The following PRKN variants were observed in gnomAD, a reference collection of about 807,000 sequenced individuals.
PRKN encodes the protein E3 ubiquitin-protein ligase parkin.
Under a neutral mutation model 59.5 loss-of-function variants are expected in PRKN, and 56 were observed. The ratio of observed to expected loss-of-function variants is 0.94; its 90% CI spans 0.76 to 1.18. PRKN has a LOEUF of 1.18. PRKN is among the 50% of genes most tolerant of loss of function. The pLI is 0.00. For missense variants in PRKN, 657 were observed against 596.4 expected (o/e 1.10, Z -1.06); for synonymous variants, 250 against 222.1 (o/e 1.13, Z -1.12).
chr6:162,465,412 T>C (rs1791369420), intron 1 of PRKN, among the ~76,000 whole-genome samples: 1 of 152,184 alleles, frequency 6.6e-6, no homozygotes, highest in African/African-American at 2.4e-5. Flanking sequence ...CAACACTTAA[T>C]AGAGAGAACA....
intron 7 of PRKN, among the ~76,000 whole-genome samples, chr6:161,605,015 T>G (rs953026292): frequency 6.6e-6 from 1 of 152,240 alleles, no homozygotes; most frequent in Non-Finnish European, 1.5e-5. Context: ...GATTAGCTTT[T>G]TTCTCTTTGA....
intron 5 of PRKN, among the ~76,000 whole-genome samples, chr6:162,024,495 C>A (rs1219771456): frequency 6.6e-6 from 1 of 152,106 alleles, no homozygotes; most frequent in Non-Finnish European, 1.5e-5. Flanking sequence ...CAGCGCCCAG[C>A]CCACTTATTT....
chr6:161,968,920 A>G (rs1780690054), intron 6 of PRKN, among the ~76,000 whole-genome samples: 1 of 152,244 alleles, frequency 6.6e-6, no homozygotes, highest in Non-Finnish European at 1.5e-5. Context: ...GACTTTTTGT[A>G]TAGCTTTCAT....
rs552646200 is a variant in PRKN, at chr6:161,400,918, C to T, written c.1084-14041G>A. Among the ~76,000 whole-genome samples the T allele has an allele frequency of 4.8e-4, 73 of 152,296 alleles. 1 individual carries two copies. In the South Asian group the frequency reaches 0.011, roughly 23 times the overall value. On this transcript the variant is annotated intron_variant, in intron 9 of 11. Transcript: ENST00000366898. This position sits in a 1 kb window ranked among gnomAD's most constrained non-coding sequence, Gnocchi z 4.2. Reference sequence around the variant, plus strand: ...ACTGTGTCTGATTTACTTGTTTGCACACTTTGTCAAATCTTGGACCAGGGA... The same window carrying T: ...ACTGTGTCTGATTTACTTGTTTGCATACTTTGTCAAATCTTGGACCAGGGA...
In PRKN at chr6:161,373,565, G is replaced by A. The variant is rs1016120091; in HGVS notation, c.1167+13229C>T. Among the ~76,000 whole-genome samples the A allele has an allele frequency of 6.6e-6, 1 of 151,730 alleles. No homozygotes were observed. The highest frequency in any genetic ancestry group is 2.4e-5 in the African/African-American group (1 of 41,270). On this transcript the variant is annotated intron_variant, in intron 10 of 11. Transcript: ENST00000366898. The surrounding 1 kb of genome is among the most constrained non-coding windows in gnomAD (Gnocchi z 4.8). ...ATGCCTCTGTGTTTGCAGGGGTGCTGAGTTTAAATGTGCTATACCTCTGTG... is the reference window on the plus strand; with the variant it reads ...ATGCCTCTGTGTTTGCAGGGGTGCTAAGTTTAAATGTGCTATACCTCTGTG...
intron 4 of PRKN, among the ~76,000 whole-genome samples, chr6:162,182,141 A>G (rs938518656): frequency 6.6e-6 from 1 of 152,164 alleles, no homozygotes; most frequent in African/African-American, 2.4e-5. Context: ...TACCCTGGAC[A>G]AAGACAGGGG....
chr6:162,573,000 T>A (rs1780409951), intron 1 of PRKN, among the ~76,000 whole-genome samples: 1 of 152,190 alleles, frequency 6.6e-6, no homozygotes, highest in African/African-American at 2.4e-5. Flanking sequence ...TTCATTGAAA[T>A]CTTAATTGCC....
At chr6:162,256,042 A>C (rs1242964158) in intron 3 of PRKN, among the ~76,000 whole-genome samples, 1 of 152,082 alleles carries the variant, frequency 6.6e-6, no homozygotes, top group African/African-American at 2.4e-5. Flanking sequence ...CTCTAACACC[A>C]AAGGTAGTCA....
At chr6:162,506,315 A>G (rs2128189239) in intron 1 of PRKN, among the ~76,000 whole-genome samples, 1 of 151,874 alleles carries the variant, frequency 6.6e-6, no homozygotes, top group East Asian at 1.9e-4. Context: ...AAGCAAAAGA[A>G]TTTCTACTGA....
chr6:162,332,518 G>C (rs1783628962), intron 2 of PRKN, among the ~76,000 whole-genome samples: 1 of 152,066 alleles, frequency 6.6e-6, no homozygotes, highest in South Asian at 2.1e-4. Context: ...TATCGTATCA[G>C]TATAAACCCA....
intron 6 of PRKN, among the ~76,000 whole-genome samples, chr6:161,896,939 C>G (rs544101488): frequency 6.6e-6 from 1 of 152,228 alleles, no homozygotes; most frequent in Non-Finnish European, 1.5e-5. Context: ...CGCACAGTCA[C>G]GTACAGCACA....
intron 2 of PRKN, among the ~76,000 whole-genome samples, chr6:162,279,913 T>C (rs1156619198): frequency 6.6e-6 from 1 of 152,222 alleles, no homozygotes; most frequent in Non-Finnish European, 1.5e-5. Context: ...ATTGATCCCT[T>C]TACCATTATG....
chr6:162,426,100 C>A (rs1394829902), intron 2 of PRKN, among the ~76,000 whole-genome samples: 1 of 152,176 alleles, frequency 6.6e-6, no homozygotes, highest in Admixed American at 6.5e-5. Flanking sequence ...AATTATCTTT[C>A]CTGTAATTCA....
rs572225274 is a variant in PRKN at position 162,626,978 on chromosome 6, A to G, written c.7+100684T>C. Among the ~76,000 whole-genome samples the G allele has an allele frequency of 5.9e-5, 9 of 152,338 alleles. No individual in the cohort carries two copies. The East Asian group carries it at 1.5e-3, about 26-fold the overall frequency. ...AAGCTGAAGAAGCTTCAAATAGCAG[A>G]TAATTACCAATGTTTTAAACGTAGT... is the stretch of plus-strand genomic sequence containing the variant. On this transcript the variant is annotated intron_variant, in intron 1 of 11. Transcript: ENST00000366898.
chr6:161,571,790 C>A (rs1238628415), intron 7 of PRKN, among the ~76,000 whole-genome samples: 1 of 152,026 alleles, frequency 6.6e-6, no homozygotes, highest in Non-Finnish European at 1.5e-5. Context: ...GTCTGTGGAC[C>A]AAGAAGATCC....
chr6:162,589,982 A>C (rs981109773), intron 1 of PRKN, among the ~76,000 whole-genome samples: 1 of 152,208 alleles, frequency 6.6e-6, no homozygotes, highest in Non-Finnish European at 1.5e-5. Context: ...TAAAAGGGCT[A>C]ACTCGTTGGA....
chr6:161,988,330 T>C (rs57550788), intron 5 of PRKN, among the ~76,000 whole-genome samples: 11,085 of 151,606 alleles, frequency 0.073, 1,400 homozygotes, highest in African/African-American at 0.26. Context: ...CTACTAAAAA[T>C]ACAAAAAATT....
chr6:162,038,139 T>A (rs1437406539), intron 5 of PRKN, among the ~76,000 whole-genome samples: 2 of 152,036 alleles, frequency 1.3e-5, no homozygotes, highest in African/African-American at 4.8e-5. Flanking sequence ...ATTATCTATG[T>A]CATAATAATC....
At chr6:162,376,371 A>G (rs1304712024) in intron 2 of PRKN, among the ~76,000 whole-genome samples, 1 of 152,138 alleles carries the variant, frequency 6.6e-6, no homozygotes, top group Admixed American at 6.5e-5. Context: ...TTTTACACAT[A>G]TCCACATGGA....
Sources: gnomAD v4.1 joint callset for allele counts (sites outside exome capture counted in the v4.1 genomes callset) on GRCh38, gnomAD v4.1.1 for gene constraint, Gnocchi (gnomAD v3.1) non-coding constraint, MANE v1.5 for transcripts, NCBI Gene and HGNC (gene_info 2026-07-23, HGNC 2026-07-21) for gene names.